The following AKR1C8 variants were observed in gnomAD, a reference collection of about 807,000 sequenced individuals.
The protein encoded by AKR1C8 is aldo-keto reductase family 1 member C-like protein 1.
At chr10:5,158,043 G>A in the AKR1C8 span, among the ~76,000 whole-genome samples, 1 of 152,126 alleles carries the variant, frequency 6.6e-6, no homozygotes, top group Non-Finnish European at 1.5e-5. Flanking sequence ...ATAACACCCA[G>A]AAATAAAATG....
chr10:5,128,963 G>T, the AKR1C8 span, among the ~76,000 whole-genome samples: 6 of 151,852 alleles, frequency 4.0e-5, no homozygotes, highest in African/African-American at 7.2e-5. Context: ...CATTCTACCC[G>T]CCAACTGCGG....
At chr10:5,169,180 G>C in the AKR1C8 span, among the ~76,000 whole-genome samples, 1 of 152,204 alleles carries the variant, frequency 6.6e-6, no homozygotes, top group Non-Finnish European at 1.5e-5. Context: ...CTTGTAGTTA[G>C]AAGAGAAGTG....
the AKR1C8 span, among the ~76,000 whole-genome samples, chr10:5,166,135 A>C: frequency 0.018 from 2,671 of 151,934 alleles, 76 homozygotes; most frequent in African/African-American, 0.061. Context: ...TTCAGCCTGC[A>C]CTCTTCTCAA....
chr10:5,137,597 A>G, the AKR1C8 span, among the ~76,000 whole-genome samples: 2 of 152,310 alleles, frequency 1.3e-5, no homozygotes, highest in South Asian at 2.1e-4. Context: ...AGAGCTATTT[A>G]TGACAAACCC....
At chr10:5,142,911 C>T in the AKR1C8 span, among the ~76,000 whole-genome samples, 1 of 151,890 alleles carries the variant, frequency 6.6e-6, no homozygotes. Flanking sequence ...ATGTTCAATT[C>T]CTTTTTTAAA....
the AKR1C8 span, among the ~76,000 whole-genome samples, chr10:5,173,802 T>TAA: frequency 6.6e-6 from 1 of 152,136 alleles, no homozygotes; most frequent in Non-Finnish European, 1.5e-5. Context: ...ATATTGAAAC[T>TAA]ATAGGTATAT....
the AKR1C8 span, among the ~76,000 whole-genome samples, chr10:5,168,559 T>G: frequency 6.6e-6 from 1 of 152,140 alleles, no homozygotes; most frequent in Non-Finnish European, 1.5e-5. Context: ...GATAGATACA[T>G]GAAGGCTTTC....
the AKR1C8 span, among the ~76,000 whole-genome samples, chr10:5,148,915 G>A: frequency 1.3e-5 from 2 of 151,914 alleles, no homozygotes; most frequent in South Asian, 2.1e-4. Context: ...CTTGCGTCCT[G>A]TGGAAGAAAG....
chr10:5,176,480 C>T, the AKR1C8 span, among the ~76,000 whole-genome samples: 61 of 149,988 alleles, frequency 4.1e-4, no homozygotes, highest in Middle Eastern at 3.4e-3. Context: ...TGGTTCCATA[C>T]GAACTTTAAA....
the AKR1C8 span, among the ~76,000 whole-genome samples, chr10:5,174,412 T>C: frequency 1.3e-5 from 2 of 152,028 alleles, no homozygotes; most frequent in Admixed American, 6.6e-5. Context: ...TTAAAAAGTA[T>C]TGGTAAAATA....
the AKR1C8 span, among the ~76,000 whole-genome samples, chr10:5,117,162 A>C: frequency 1.3e-5 from 2 of 152,086 alleles, no homozygotes; most frequent in African/African-American, 4.8e-5. Context: ...AAAAGGGTTA[A>C]AAGGTGCTTC....
chr10:5,176,939 C>T, the AKR1C8 span, among the ~76,000 whole-genome samples: 1 of 152,188 alleles, frequency 6.6e-6, no homozygotes, highest in Non-Finnish European at 1.5e-5. Context: ...GATAATTTGA[C>T]TTCCTCTTTT....
the AKR1C8 span, among the ~76,000 whole-genome samples, chr10:5,179,482 C>T: frequency 3.3e-5 from 5 of 151,954 alleles, no homozygotes; most frequent in African/African-American, 9.7e-5. Context: ...TCAAGGAGTA[C>T]CTTTGTGGCA....
At chr10:5,144,069 T>C in the AKR1C8 span, among the ~76,000 whole-genome samples, 1 of 152,160 alleles carries the variant, frequency 6.6e-6, no homozygotes, top group Non-Finnish European at 1.5e-5. Context: ...TGGAAAATTA[T>C]TCAGTTTCAG....
the AKR1C8 span, among the ~76,000 whole-genome samples, chr10:5,166,387 A>G: frequency 1.3e-5 from 2 of 152,212 alleles, no homozygotes; most frequent in African/African-American, 4.8e-5. Context: ...ACTTCAAACT[A>G]TACTACAAGG....
chr10:5,135,534 G>A, the AKR1C8 span, among the ~76,000 whole-genome samples: 1 of 150,804 alleles, frequency 6.6e-6, no homozygotes, highest in Admixed American at 6.6e-5. Flanking sequence ...TATCTATCTG[G>A]CTATCTATTA....
chr10:5,165,884 T>TAC, the AKR1C8 span, among the ~76,000 whole-genome samples: 739 of 152,216 alleles, frequency 4.9e-3, 9 homozygotes, highest in African/African-American at 0.017. Flanking sequence ...ACAGAACTAG[T>TAC]ACCTCACACA....
At chr10:5,117,415 G>C in the AKR1C8 span, among the ~76,000 whole-genome samples, 1 of 152,126 alleles carries the variant, frequency 6.6e-6, no homozygotes, top group African/African-American at 2.4e-5. Flanking sequence ...TCTGAAGCAA[G>C]CCAGGACCTG....
the AKR1C8 span, among the ~76,000 whole-genome samples, chr10:5,126,798 G>A: frequency 6.6e-6 from 1 of 151,888 alleles, no homozygotes; most frequent in Non-Finnish European, 1.5e-5. Context: ...ATCTGAGGAA[G>A]CCATGATACA....
Sources: allele counts gnomAD v4.1 joint callset (sites outside exome capture counted in the v4.1 genomes callset), GRCh38; gene constraint gnomAD v4.1.1; transcripts MANE v1.5; gene names NCBI Gene and HGNC (gene_info 2026-07-23, HGNC 2026-07-21).